PFKFB1: variants seen among roughly 807,000 people sequenced by gnomAD.
PFKFB1 encodes 6-phosphofructo-2-kinase/fructose-2,6-biphosphatase 1.
PFKFB1 carries 34 observed loss-of-function variants against 46.4 expected under a neutral mutation model. That is an observed-to-expected ratio of 0.73 (90% CI 0.56 to 0.98). The LOEUF is 0.98. Ranked by LOEUF, PFKFB1 falls within the 50% of genes least tolerant of loss-of-function variation. The pLI, the probability that PFKFB1 is intolerant of heterozygous loss-of-function variation, is 0.00. For missense variants in PFKFB1, 393 were observed against 376.3 expected, an observed-to-expected ratio of 1.04 and a Z score of -0.37; for synonymous variants, 119 against 133.8, an observed-to-expected ratio of 0.89 and a Z score of 0.76.
intron 1 of PFKFB1, among the ~76,000 whole-genome samples, chrX:54,992,280 A>G (rs776163255): frequency 8.9e-5 from 10 of 112,121 alleles, no homozygotes; most frequent in Non-Finnish European, 1.9e-4. Context: ...TATAACAAGA[A>G]CAATAATAAT....
chrX:54,958,906 G>A lies in PFKFB1; in HGVS notation c.404C>T (p.Thr135Ile). 8.4e-7 allele frequency: 1 copy of A among 1,193,792 alleles called. No homozygotes were observed. Among genetic ancestry groups the A allele is most frequent in the South Asian group, 1.8e-5 (1 of 56,199 alleles). The change falls in exon 5 of 14, where the codon ACT becomes ATT. Residue 135 changes from threonine (T) to isoleucine (I), a missense_variant. By Grantham distance (89) the Thr-to-Ile change is moderately conservative. Coordinates refer to ENST00000375006, the MANE Select transcript of PFKFB1 (RefSeq NM_002625.4). ...GATCAGTGACCGTCGTTCTCTGGTAGTGTTGGTGGCATCAAAAACCTAGAG... is the reference window on the plus strand; with the variant it reads ...GATCAGTGACCGTCGTTCTCTGGTAATGTTGGTGGCATCAAAAACCTAGAG... ...GHVAVFDATN[T>I]TRERRSLILQ... is the part of the protein sequence containing the mutation.
Position 54,956,503 on chromosome X carries a change from C to T in PFKFB1, c.517-229G>A, listed in dbSNP as rs113068087. On this transcript the variant is annotated intron_variant, in intron 6 of 13. Transcript: ENST00000375006. ...CAAACAAGGCCTGTTACATTATACT[C>T]AGTCCCAGAGAATACACTCCTTATA... is the stretch of plus-strand genomic sequence containing the variant. Among the ~76,000 whole-genome samples the T allele has an allele frequency of 5.0e-3, 557 of 111,910 alleles. 1 individual carries two copies. The highest frequency in any genetic ancestry group is 0.017 in the African/African-American group (525 of 30,766).
At chrX:54,945,596 G>A in intron 9 of PFKFB1, 53 bp from the exon 10 acceptor site, 1 of 770,627 alleles carries the variant, frequency 1.3e-6, no homozygotes, top group Admixed American at 2.7e-5. Flanking sequence ...ATTCCACAGA[G>A]TCTTTGCCAT....
intron 1 of PFKFB1, among the ~76,000 whole-genome samples, chrX:54,970,128 C>T (rs1012397184): frequency 7.2e-5 from 8 of 110,458 alleles, no homozygotes; most frequent in African/African-American, 2.0e-4. Flanking sequence ...AGGCTGGTCT[C>T]GAACTCTTGG....
At position 54,937,743 on chromosome X, in the gene PFKFB1, C is replaced by T. The variant is rs1222518583; in HGVS notation, c.1099-19G>A. ...CATAGGACTAAACGTAAGAGAGATA[C>T]TTGAGTGAGAAAGGAAGATGAGGCA... On this transcript the variant is annotated intron_variant, in intron 10 of 13. Transcript: ENST00000375006. The T allele has an allele frequency of 8.4e-7, 1 of 1,195,434 alleles. No homozygotes were observed. The highest frequency in any genetic ancestry group is 3.0e-5 in the East Asian group (1 of 33,649).
upstream of PFKFB1, among the ~76,000 whole-genome samples, chrX:54,997,531 G>T (rs979323161): frequency 9.8e-5 from 11 of 112,101 alleles, no homozygotes; most frequent in African/African-American, 3.2e-4. Flanking sequence ...ATGTAAAGCA[G>T]CATATGACAG....
chrX:54,983,206 TAGTG>T (rs1335861433), intron 1 of PFKFB1, among the ~76,000 whole-genome samples: 2 of 111,886 alleles, frequency 1.8e-5, no homozygotes, highest in African/African-American at 6.5e-5. Flanking sequence ...GCAAGTTTCT[TAGTG>T]AGATAAATTA....
chrX:54,982,446 T>C (rs1252206139), intron 1 of PFKFB1, among the ~76,000 whole-genome samples: 2 of 111,747 alleles, frequency 1.8e-5, no homozygotes, highest in Admixed American at 1.9e-4. Context: ...TATCTGTGGG[T>C]TCCACATCTG....
At chrX:54,937,502 C>G (rs1387578655) in intron 11 of PFKFB1, 93 bp downstream of exon 11, 1 of 824,391 alleles carries the variant, frequency 1.2e-6, no homozygotes, top group Non-Finnish European at 1.7e-6. Context: ...TCTAGATACT[C>G]TTCTCTTAAC....
intron 1 of PFKFB1, among the ~76,000 whole-genome samples, chrX:54,971,289 C>T (rs374095485): frequency 1.2e-5 from 1 of 80,255 alleles, no homozygotes; most frequent in Non-Finnish European, 2.4e-5. Context: ...TTGTAGGTTG[C>T]CTGTTCAGTC....
rs995030581 is a variant in PFKFB1, at chrX:54,938,747, C to T, written c.1099-1023G>A. Among the ~76,000 whole-genome samples, 6 of 111,445 alleles carry T rather than the reference C, an allele frequency of 5.4e-5. No individual in the cohort carries two copies. The East Asian group carries it at 1.4e-3, about 26-fold the overall frequency. On this transcript the variant is annotated intron_variant, in intron 10 of 13. Coordinates refer to ENST00000375006, the MANE Select transcript of PFKFB1 (RefSeq NM_002625.4). ...AGCACCCAGATTCATAAAGCAAGTC[C>T]TGAGTGACCTACAAAGAGACTTAGA...
intron 1 of PFKFB1, 104 bp downstream of exon 1, chrX:54,993,807 T>C (rs1207803617): frequency 2.9e-6 from 3 of 1,044,076 alleles, no homozygotes; most frequent in Admixed American, 3.7e-5. Context: ...TTCCAACTTT[T>C]AGGTTGAGGT....
intron 10 of PFKFB1, among the ~76,000 whole-genome samples, chrX:54,944,511 T>C (rs1252925444): frequency 8.9e-6 from 1 of 111,956 alleles, no homozygotes; most frequent in African/African-American, 3.2e-5. Context: ...CACAGAGAAG[T>C]TGAAAGTAAA....
At chrX:54,973,590 G>C (rs753136354) in intron 1 of PFKFB1, among the ~76,000 whole-genome samples, 2 of 111,136 alleles carry the variant, frequency 1.8e-5, no homozygotes, top group Admixed American at 1.9e-4. Flanking sequence ...CCTTCATTTC[G>C]TTATGTACCC....
intron 1 of PFKFB1, among the ~76,000 whole-genome samples, chrX:54,966,290 T>G (rs1030327720): frequency 8.1e-5 from 9 of 111,668 alleles, no homozygotes; most frequent in African/African-American, 2.9e-4. Flanking sequence ...ATATGAAAAT[T>G]GAAAGGAAAA....
intron 1 of PFKFB1, among the ~76,000 whole-genome samples, chrX:54,968,894 T>A (rs1308741515): frequency 1.8e-5 from 2 of 111,205 alleles, no homozygotes; most frequent in Non-Finnish European, 1.9e-5. Flanking sequence ...ATTACCCTGA[T>A]ATAAAAACCA....
In PFKFB1 at chrX:54,937,702, C is replaced by A; in HGVS notation, c.1121G>T (p.Arg374Leu). 1 of 1,208,193 alleles carries A rather than the reference C, an allele frequency of 8.3e-7. No homozygotes were observed. Among genetic ancestry groups the A allele is most frequent in the Non-Finnish European group, 1.1e-6 (1 of 892,611 alleles). The change falls in exon 11 of 14, where the codon CGT (arginine) becomes CTT (leucine). Residue 374 changes from arginine (R) to leucine (L), a missense_variant. By Grantham distance (102) the Arg-to-Leu change is moderately radical. Coordinates refer to ENST00000375006, the MANE Select transcript of PFKFB1 (RefSeq NM_002625.4). Reference protein sequence around the residue: ...KGESYEDLVQRLEPVIMELER... With the variant: ...KGESYEDLVQLLEPVIMELER... ...TAGCTCCATTATCACTGGCTCCAGA[C>A]GCTGAACCAGATCCTCATAGGACTA...
At chrX:54,994,800 C>G (rs901327447), upstream of PFKFB1, 6 of 751,405 alleles carry the variant, frequency 8.0e-6, no homozygotes, top group African/African-American at 1.4e-4. Context: ...ATCCGATCAT[C>G]TTTCTACTCT....
chrX:54,973,152 C>G (rs761613820), intron 1 of PFKFB1, among the ~76,000 whole-genome samples: 1 of 111,218 alleles, frequency 9.0e-6, no homozygotes, highest in Non-Finnish European at 1.9e-5. Context: ...TATTCTCTGA[C>G]GGTAGTTTGT....
Sources: allele counts gnomAD v4.1 joint callset (sites outside exome capture counted in the v4.1 genomes callset), GRCh38; gene constraint gnomAD v4.1.1; transcripts MANE v1.5; gene names NCBI Gene and HGNC (gene_info 2026-07-23, HGNC 2026-07-21).